The following ASPH variants were observed in gnomAD, a reference collection of about 807,000 sequenced individuals.
ASPH encodes aspartate beta-hydroxylase, also known as aspartyl/asparaginyl beta-hydroxylase.
In ASPH, 100 loss-of-function variants were observed where a neutral mutation model predicts 118.4. The ratio of observed to expected loss-of-function variants is 0.84; its 90% CI spans 0.72 to 1.00. The LOEUF (loss-of-function observed/expected upper bound fraction) is 1.00. Ranked by LOEUF, ASPH falls within the 50% of genes least tolerant of loss-of-function variation. The pLI, the probability that ASPH is intolerant of heterozygous loss-of-function variation, is 0.00. For missense variants in ASPH, 920 were observed against 919.5 expected, an observed-to-expected ratio of 1.00 and a Z score of -0.01; for synonymous variants, 315 against 325.6, an observed-to-expected ratio of 0.97 and a Z score of 0.35.
chr8:61,646,916 C>A (rs1387306743), intron 5 of ASPH, 38 bp from the exon 6 acceptor site: 1 of 1,612,348 alleles, frequency 6.2e-7, no homozygotes, highest in Non-Finnish European at 8.5e-7. Context: ...CAACATACAA[C>A]TGAGACATGA....
At chr8:61,675,882 A>G (rs1825037162) in intron 3 of ASPH, 7 of 1,386,280 alleles carry the variant, frequency 5.0e-6, no homozygotes, top group Admixed American at 3.1e-5. Flanking sequence ...ATTTTCTTCA[A>G]TAGAAGTTGG....
At chr8:61,596,700 G>A (rs1406682314) in intron 14 of ASPH, among the ~76,000 whole-genome samples, 1 of 152,158 alleles carries the variant, frequency 6.6e-6, no homozygotes, top group African/African-American at 2.4e-5. Flanking sequence ...CAAAGACAAA[G>A]TGCTCTACAC....
chr8:61,585,192 C>T (rs556856576), intron 14 of ASPH, among the ~76,000 whole-genome samples: 18 of 152,258 alleles, frequency 1.2e-4, no homozygotes, highest in African/African-American at 3.9e-4. Context: ...CAAACAGGAG[C>T]CCTCCTCCCG....
intron 14 of ASPH, among the ~76,000 whole-genome samples, chr8:61,618,099 A>G (rs12681177): frequency 2.0e-5 from 3 of 152,098 alleles, no homozygotes; most frequent in East Asian, 3.9e-4. Context: ...ATTAAAAACA[A>G]CTAGTTAGAA....
intron 2 of ASPH, among the ~76,000 whole-genome samples, chr8:61,683,210 G>A (rs1828959887): frequency 1.3e-5 from 2 of 151,834 alleles, no homozygotes; most frequent in South Asian, 4.1e-4. Context: ...TTTAGGGGAA[G>A]GGGGTAACAA....
chr8:61,623,020 A>G (rs1385979188), intron 13 of ASPH, among the ~76,000 whole-genome samples: 1 of 152,216 alleles, frequency 6.6e-6, no homozygotes, highest in East Asian at 1.9e-4. Flanking sequence ...GAAATGGAAA[A>G]GAGAACTTTC....
intron 1 of ASPH, among the ~76,000 whole-genome samples, chr8:61,699,558 G>A (rs902285188): frequency 9.3e-5 from 14 of 151,320 alleles, no homozygotes; most frequent in Admixed American, 3.3e-4. Flanking sequence ...ACAAAATCTC[G>A]ACTCTTTAAA....
rs1858631930 is a variant in ASPH, at chr8:61,637,987, A to AG, written c.848dup (p.Glu284Ter). The stretch of plus-strand genomic sequence containing the variant: ...GTGAATCTTCTACAGGATTATCCTC[A>AG]GGGGGAGCAGTTACTTCTAAAATAA... On this transcript the variant is annotated frameshift_variant, in exon 12 of 25. Coordinates refer to ENST00000379454, the MANE Select transcript of ASPH (RefSeq NM_004318.4). LOFTEE classifies it high-confidence loss of function. 1.2e-6 allele frequency: 2 copies of AG among 1,608,856 alleles called. No individual in the cohort carries two copies. The highest frequency in any genetic ancestry group is 1.7e-6 in the Non-Finnish European group (2 of 1,178,158).
At chr8:61,609,569 G>A (rs941713872) in intron 14 of ASPH, among the ~76,000 whole-genome samples, 5 of 152,052 alleles carry the variant, frequency 3.3e-5, no homozygotes, top group Non-Finnish European at 7.3e-5. Flanking sequence ...GCGGTAGACT[G>A]GCTTCCCAGG....
intron 6 of ASPH, among the ~76,000 whole-genome samples, chr8:61,645,890 A>C (rs1807689043): frequency 6.6e-6 from 1 of 152,208 alleles, no homozygotes; most frequent in African/African-American, 2.4e-5. Flanking sequence ...TGCTTTTAAA[A>C]AGTGTTTGCT....
intron 3 of ASPH, among the ~76,000 whole-genome samples, chr8:61,671,024 T>A (rs1370597583): frequency 6.6e-6 from 1 of 152,102 alleles, no homozygotes. Context: ...GGTAACTTTA[T>A]AACAGATTTT....
chr8:61,664,182 T>C, intron 3 of ASPH: 7 of 969,212 alleles, frequency 7.2e-6, no homozygotes, highest in Non-Finnish European at 8.6e-6. Context: ...AATTTCTCAC[T>C]AAAACTTCAC....
At chr8:61,597,196 GAAAAA>G in intron 14 of ASPH, among the ~76,000 whole-genome samples, 1 of 112,800 alleles carries the variant, frequency 8.9e-6, no homozygotes, top group African/African-American at 3.5e-5. Context: ...ATCCAGTCAG[GAAAAA>G]AAAAAAAAAA....
chr8:61,638,731 C>T (rs1048769064), intron 10 of ASPH, among the ~76,000 whole-genome samples: 1 of 152,172 alleles, frequency 6.6e-6, no homozygotes, highest in African/African-American at 2.4e-5. Flanking sequence ...AGACCTCTAA[C>T]CTGGGGCCAA....
At position 61,562,808 on chromosome 8, in the gene ASPH, T is replaced by G; in HGVS notation, c.1373A>C (p.Asn458Thr). 1 of 1,612,404 alleles carries G rather than the reference T, an allele frequency of 6.2e-7. No homozygotes were observed. Among genetic ancestry groups the G allele is most frequent in the Non-Finnish European group, 8.5e-7 (1 of 1,179,292 alleles). Residue 458 changes from asparagine to threonine, a missense_variant, in exon 18 of 25, where the codon AAT (asparagine) becomes ACT (threonine). Coordinates refer to ENST00000379454, the MANE Select transcript of ASPH (RefSeq NM_004318.4). ...CAAGAGGTATCCCACGCCAAGGTCA[T>G]TTTTTAAGGAAGTATCATTGGGAAA... Reference protein sequence around the residue: ...QLFPNDTSLKNDLGVGYLLIG... With the variant: ...QLFPNDTSLKTDLGVGYLLIG...
chr8:61,591,514 G>A (rs1000969228), intron 14 of ASPH, among the ~76,000 whole-genome samples: 1 of 151,968 alleles, frequency 6.6e-6, no homozygotes, highest in African/African-American at 2.4e-5. Context: ...AGCAAATGGG[G>A]ACACACATGG....
At chr8:61,518,175 T>A in intron 22 of ASPH, 52 bp from the exon 23 acceptor site, 1 of 1,524,530 alleles carries the variant, frequency 6.6e-7, no homozygotes, top group Non-Finnish European at 9.1e-7. Context: ...AGCTTAAACT[T>A]ATCCCATTTA....
chr8:61,605,985 C>T (rs965431027), intron 14 of ASPH, among the ~76,000 whole-genome samples: 1 of 152,178 alleles, frequency 6.6e-6, no homozygotes, highest in Non-Finnish European at 1.5e-5. Context: ...GGGTGAAAGA[C>T]AATCTGCCTC....
rs549570845 is a variant in ASPH at position 61,593,636 on chromosome 8, A to G, written c.977-9607T>C. ...GCAAGTATTCCAGTTTATTACATGT[A>G]GTTGGCTGCCTTCCCATAGGGTTAT... On this transcript the variant is annotated intron_variant, in intron 14 of 24. Transcript: ENST00000379454. 3.9e-5 allele frequency among the ~76,000 whole-genome samples: 6 copies of G among 152,304 alleles called. No individual in the cohort carries two copies. The South Asian group carries it at 1.2e-3, about 32-fold the overall frequency.
Sources: allele counts gnomAD v4.1 joint callset (sites outside exome capture counted in the v4.1 genomes callset), GRCh38; gene constraint gnomAD v4.1.1; transcripts MANE v1.5; gene names NCBI Gene and HGNC (gene_info 2026-07-23, HGNC 2026-07-21).